The following KIAA0232 variants were observed in gnomAD, a reference collection of about 807,000 sequenced individuals.
The protein encoded by KIAA0232 is KIAA0232.
KIAA0232 carries 27 observed loss-of-function variants against 122.0 expected under a neutral mutation model. The observed-to-expected ratio is 0.22, with a 90% CI of 0.16 to 0.31. The LOEUF (loss-of-function observed/expected upper bound fraction) is 0.31. KIAA0232 is among the 10% of genes least tolerant of loss of function. The probability of loss-of-function intolerance (pLI) is 1.00; values close to 1 mark genes in which losing one functional copy is unlikely to be tolerated. For missense variants in KIAA0232, 1,551 were observed against 1,634.2 expected (o/e 0.95, Z 0.88); for synonymous variants, 613 against 587.6 (o/e 1.04, Z -0.63).
At chr4:6,826,191 A>G (rs1386754838) in intron 3 of KIAA0232, among the ~76,000 whole-genome samples, 1 of 152,230 alleles carries the variant, frequency 6.6e-6, no homozygotes, top group African/African-American at 2.4e-5. Flanking sequence ...CTAGCTGGAC[A>G]CAGCGGCATT....
At chr4:6,798,255 A>G (rs373728913) in intron 1 of KIAA0232, among the ~76,000 whole-genome samples, 9 of 152,146 alleles carry the variant, frequency 5.9e-5, no homozygotes, top group African/African-American at 2.2e-4. Context: ...GGCTTAGCTT[A>G]TGCTTTTTCA....
rs371014807 is a variant in KIAA0232, at chr4:6,863,696, G to A, written c.3314G>A (p.Arg1105Gln). The change falls in exon 7 of 10, where the codon CGG becomes CAG. Residue 1105 changes from arginine to glutamine, a missense_variant. Physicochemically the swap from Arg to Gln is conservative, Grantham distance 43. Coordinates refer to ENST00000307659, the MANE Select transcript of KIAA0232 (RefSeq NM_014743.3). ...TACAGGGCTATTCGGATCTCTCCTC[G>A]GACTCACTTTCGCCCAATTTCTGCA... Reference protein sequence around the residue: ...TQYRAIRISPRTHFRPISASE... With the variant: ...TQYRAIRISPQTHFRPISASE... The A allele has an allele frequency of 2.5e-5, 41 of 1,614,116 alleles. No homozygotes were observed. The highest frequency in any genetic ancestry group is 5.0e-5 in the Admixed American group (3 of 60,014).
intron 4 of KIAA0232, among the ~76,000 whole-genome samples, chr4:6,851,328 G>A (rs1271501716): frequency 6.6e-6 from 1 of 152,134 alleles, no homozygotes; most frequent in Non-Finnish European, 1.5e-5. Context: ...TATCCTTCAG[G>A]AAGTTTACTT....
intron 8 of KIAA0232, among the ~76,000 whole-genome samples, chr4:6,872,279 TG>T (rs1326002238): frequency 6.6e-6 from 1 of 152,194 alleles, no homozygotes; most frequent in East Asian, 1.9e-4. Flanking sequence ...TGCAGTAGTT[TG>T]GGAGGCATAC....
At position 6,881,168 on chromosome 4, in the gene KIAA0232, A is replaced by G; in HGVS notation, c.*202A>G. ...TTAAAGATTTTTTTTCCCAGCTGTT[A>G]AATTCTTGGCTATTTGAAATAGACT... On this transcript the variant is annotated 3_prime_UTR_variant, in exon 10 of 10. Coordinates refer to ENST00000307659, the MANE Select transcript of KIAA0232 (RefSeq NM_014743.3). 1 of 424,314 alleles carries G rather than the reference A, an allele frequency of 2.4e-6. No individual in the cohort carries two copies. The highest frequency in any genetic ancestry group is 3.7e-5 in the East Asian group (1 of 26,750). The allele number at this position is 424,314 out of a possible 1,614,324, so 26.3% of individuals were successfully genotyped here.
At position 6,863,479 on chromosome 4, in the gene KIAA0232, C is replaced by G; in HGVS notation, c.3097C>G (p.Pro1033Ala). The change falls in exon 7 of 10, where the codon CCT becomes GCT. Residue 1033 changes from proline to alanine, a missense_variant. Physicochemically the swap from Pro to Ala is conservative, Grantham distance 27 (BLOSUM62 -1). Transcript: ENST00000307659. ...TTGTGGCAACTTTCAAGTCGAAGAT[C>G]CTGGACTTGAATACTCATTTTCTTC... ...GACGNFQVED[P>A]GLEYSFSSFD... The G allele has an allele frequency of 6.2e-7, 1 of 1,614,186 alleles. No individual in the cohort carries two copies.
At chr4:6,811,158 G>A (rs544001384) in intron 2 of KIAA0232, among the ~76,000 whole-genome samples, 1 of 152,080 alleles carries the variant, frequency 6.6e-6, no homozygotes, top group Admixed American at 6.5e-5. Flanking sequence ...ACCTGTGCTC[G>A]TATGTTTATT....
chr4:6,854,321 C>T (rs913624791), intron 4 of KIAA0232, among the ~76,000 whole-genome samples: 1 of 152,126 alleles, frequency 6.6e-6, no homozygotes, highest in South Asian at 2.1e-4. Flanking sequence ...CACACATGCC[C>T]TTTGCTGCCC....
chr4:6,878,379 T>TCATACATACATA (rs112843703), intron 9 of KIAA0232, among the ~76,000 whole-genome samples: 10,871 of 149,208 alleles, frequency 0.073, 430 homozygotes, highest in Non-Finnish European at 0.08. Context: ...CATCATTCAT[T>TCATACATACATA]CATACATACA....
At chr4:6,803,382 C>T (rs1050742601) in intron 1 of KIAA0232, among the ~76,000 whole-genome samples, 1 of 152,084 alleles carries the variant, frequency 6.6e-6, no homozygotes, top group Non-Finnish European at 1.5e-5. Context: ...CATTATCAAA[C>T]ATGAATGCCA....
chr4:6,838,348 C>A (rs573960759), intron 3 of KIAA0232, among the ~76,000 whole-genome samples: 1 of 152,106 alleles, frequency 6.6e-6, no homozygotes, highest in East Asian at 1.9e-4. Flanking sequence ...ACCACCATGC[C>A]CGGCTAATTT....
intron 2 of KIAA0232, among the ~76,000 whole-genome samples, chr4:6,818,040 C>T (rs1481801734): frequency 1.3e-5 from 2 of 151,986 alleles, no homozygotes; most frequent in Non-Finnish European, 2.9e-5. Flanking sequence ...TACTTTTAAC[C>T]TATTTGTGTC....
At chr4:6,798,173 G>C (rs1403441963) in intron 1 of KIAA0232, among the ~76,000 whole-genome samples, 1 of 152,164 alleles carries the variant, frequency 6.6e-6, no homozygotes, top group Non-Finnish European at 1.5e-5. Context: ...CATACATGAT[G>C]GCCCTGGTTT....
intron 4 of KIAA0232, among the ~76,000 whole-genome samples, chr4:6,848,246 A>T (rs1720079221): frequency 6.6e-6 from 1 of 152,224 alleles, no homozygotes; most frequent in African/African-American, 2.4e-5. Context: ...TATTTTGTAT[A>T]TGCATTATTT....
intron 3 of KIAA0232, among the ~76,000 whole-genome samples, chr4:6,841,273 G>A (rs1036891973): frequency 1.3e-5 from 2 of 152,210 alleles, no homozygotes; most frequent in Non-Finnish European, 2.9e-5. Flanking sequence ...TCTTCCAGCA[G>A]CATTTTTCAT....
At chr4:6,795,929 G>C (rs573622175) in intron 1 of KIAA0232, among the ~76,000 whole-genome samples, 1 of 152,210 alleles carries the variant, frequency 6.6e-6, no homozygotes, top group East Asian at 1.9e-4. Context: ...GCATTATTTT[G>C]CTCTTGAAGG....
intron 4 of KIAA0232, among the ~76,000 whole-genome samples, chr4:6,845,991 T>G (rs1719943085): frequency 6.6e-6 from 1 of 152,190 alleles, no homozygotes. Flanking sequence ...TTTAGGTTAT[T>G]GCTTTGGGAA....
chr4:6,793,492 T>C (rs1716998243), intron 1 of KIAA0232, among the ~76,000 whole-genome samples: 1 of 152,228 alleles, frequency 6.6e-6, no homozygotes, highest in Non-Finnish European at 1.5e-5. Flanking sequence ...AGTTTCAGTG[T>C]TAAGATAGCT....
chr4:6,812,301 G>A (rs1277514607), intron 2 of KIAA0232, among the ~76,000 whole-genome samples: 1 of 152,168 alleles, frequency 6.6e-6, no homozygotes, highest in Non-Finnish European at 1.5e-5. Context: ...GCTCCATGAG[G>A]CTGTTGAGCA....
Sources: allele counts gnomAD v4.1 joint callset (sites outside exome capture counted in the v4.1 genomes callset), GRCh38; gene constraint gnomAD v4.1.1; transcripts MANE v1.5; gene names NCBI Gene and HGNC (gene_info 2026-07-23, HGNC 2026-07-21).